CYP2C18: variants seen among roughly 807,000 people sequenced by gnomAD.
CYP2C18 encodes the protein cytochrome P450 2C18.
In CYP2C18, 38 loss-of-function variants were observed where a neutral mutation model predicts 41.3. That is an observed-to-expected ratio of 0.92 (90% confidence interval 0.71 to 1.21). CYP2C18 has a LOEUF of 1.21. CYP2C18 is among the 50% of genes most tolerant of loss of function. The pLI is 0.00. For missense variants in CYP2C18, 635 were observed against 591.4 expected, an observed-to-expected ratio of 1.07 and a Z score of -0.77; for synonymous variants, 236 against 210.0, an observed-to-expected ratio of 1.12 and a Z score of -1.07.
chr10:94,700,945 T>C (rs922255083), intron 4 of CYP2C18, among the ~76,000 whole-genome samples: 1 of 152,066 alleles, frequency 6.6e-6, no homozygotes, highest in African/African-American at 2.4e-5. Flanking sequence ...ATTAGAATGG[T>C]GATCATTAAA....
intron 5 of CYP2C18, among the ~76,000 whole-genome samples, chr10:94,708,486 C>A (rs1379566919): frequency 6.6e-6 from 1 of 152,070 alleles, no homozygotes; most frequent in African/African-American, 2.4e-5. Flanking sequence ...TTTCAGTGAC[C>A]AGTGGCTATG....
chr10:94,733,558 C>T (rs905848261), intron 8 of CYP2C18, 120 bp downstream of exon 8: 1 of 1,530,426 alleles, frequency 6.5e-7, no homozygotes, highest in Non-Finnish European at 8.8e-7. Context: ...TCATTAGCAC[C>T]ATTCCCTATG....
At chr10:94,694,859 G>A in intron 3 of CYP2C18, 58 bp from the exon 4 acceptor site, 4 of 1,552,478 alleles carry the variant, frequency 2.6e-6, no homozygotes, top group Non-Finnish European at 3.5e-6. Context: ...CTGTATCAAA[G>A]ACAAAGTATT....
intron 1 of CYP2C18, among the ~76,000 whole-genome samples, chr10:94,684,873 A>C (rs1462136935): frequency 2.0e-5 from 3 of 152,110 alleles, no homozygotes; most frequent in African/African-American, 7.2e-5. Flanking sequence ...TTTGATAATA[A>C]TAATATCTTA....
chr10:94,708,700 A>G (rs1847384281), intron 5 of CYP2C18, among the ~76,000 whole-genome samples: 1 of 152,204 alleles, frequency 6.6e-6, no homozygotes, highest in Admixed American at 6.5e-5. Context: ...GAACATTTCC[A>G]TCATCCTGAA....
intron 1 of CYP2C18, among the ~76,000 whole-genome samples, chr10:94,687,551 A>C (rs1027585400): frequency 6.6e-6 from 1 of 152,240 alleles, no homozygotes; most frequent in Non-Finnish European, 1.5e-5. Flanking sequence ...GATTAAGTTT[A>C]ATAGCCTGCA....
chr10:94,735,066 G>A (rs184003989), intron 8 of CYP2C18, among the ~76,000 whole-genome samples, 197 bp from the exon 9 acceptor site: 1 of 152,146 alleles, frequency 6.6e-6, no homozygotes, highest in African/African-American at 2.4e-5. Flanking sequence ...AGTGAAGGGT[G>A]CCTAGTAAAA....
rs35672164 is a variant in CYP2C18 at position 94,712,008 on chromosome 10, A to ATTTTTTTT, written c.819+5061_819+5068dup. On this transcript the variant is annotated intron_variant, in intron 5 of 8. Transcript: ENST00000285979. Reference sequence around the variant, plus strand: ...AGGTGCATGCCACCATGCCCAACTAATTTTTTTTTTTTTTTTTTTTGTAGA... The same window carrying ATTTTTTTT: ...AGGTGCATGCCACCATGCCCAACTAATTTTTTTTTTTTTTTTTTTTTTTTTTTTGTAGA... Among the ~76,000 whole-genome samples the ATTTTTTTT allele has an allele frequency of 1.9e-3, 189 of 97,854 alleles. 8 individuals carry two copies. The East Asian group carries it at 0.021, about 11-fold the overall frequency. The allele number at this position is 97,854 out of a possible 152,430, so 64.2% of individuals were successfully genotyped here. A position where few individuals can be genotyped will look rare whatever the true frequency, so the allele number is the denominator to read the frequency against.
intron 7 of CYP2C18, among the ~76,000 whole-genome samples, chr10:94,729,137 A>G (rs1847790102): frequency 6.6e-6 from 1 of 152,126 alleles, no homozygotes; most frequent in South Asian, 2.1e-4. Flanking sequence ...TCCAGTATGA[A>G]GAGAGGGCAA....
intron 4 of CYP2C18, among the ~76,000 whole-genome samples, chr10:94,701,134 A>C (rs1017122285): frequency 6.6e-5 from 10 of 152,206 alleles, no homozygotes; most frequent in African/African-American, 2.4e-4. Context: ...TACCCAAAGG[A>C]TTATAAAACA....
intron 3 of CYP2C18, among the ~76,000 whole-genome samples, chr10:94,692,027 G>C (rs1298556679): frequency 1.3e-5 from 2 of 152,136 alleles, no homozygotes; most frequent in Non-Finnish European, 2.9e-5. Flanking sequence ...ATTAATTCAA[G>C]ATGGATTAAA....
intron 5 of CYP2C18, among the ~76,000 whole-genome samples, chr10:94,715,847 G>A (rs1459658921): frequency 6.6e-6 from 1 of 151,906 alleles, no homozygotes; most frequent in Non-Finnish European, 1.5e-5. Context: ...CTTAATTATT[G>A]CCTGAATTTC....
At chr10:94,731,419 C>G (rs1189919519) in intron 7 of CYP2C18, among the ~76,000 whole-genome samples, 1 of 151,824 alleles carries the variant, frequency 6.6e-6, no homozygotes, top group Admixed American at 6.6e-5. Flanking sequence ...CCATACTGCC[C>G]AAAGCAATCT....
chr10:94,704,965 G>A (rs1263226837), intron 4 of CYP2C18, among the ~76,000 whole-genome samples: 2 of 152,130 alleles, frequency 1.3e-5, no homozygotes, highest in African/African-American at 4.8e-5. Context: ...ACTGCCTCGT[G>A]TTAGCCCGTG....
intron 5 of CYP2C18, among the ~76,000 whole-genome samples, chr10:94,708,392 T>C (rs2134192150): frequency 6.6e-6 from 1 of 152,316 alleles, no homozygotes; most frequent in Non-Finnish European, 1.5e-5. Context: ...TTCTCCATTT[T>C]TGTACACATT....
At chr10:94,703,872 C>G (rs764626613) in intron 4 of CYP2C18, among the ~76,000 whole-genome samples, 4 of 152,182 alleles carry the variant, frequency 2.6e-5, no homozygotes, top group Non-Finnish European at 4.4e-5. Context: ...GTGTAGGCAT[C>G]TGAAGGAATC....
Position 94,720,461 on chromosome 10 carries a change from TG to T in CYP2C18, c.889del (p.Ala297LeufsTer10). 1 of 1,613,250 alleles carries T rather than the reference TG, an allele frequency of 6.2e-7. No individual in the cohort carries two copies. The highest frequency in any genetic ancestry group is 8.5e-7 in the Non-Finnish European group (1 of 1,179,430). On this transcript the variant is annotated frameshift_variant, in exon 6 of 9. Transcript: ENST00000285979. LOFTEE classifies it high-confidence loss of function. ...SLIATVTDMF[G>X]AGTETTSTTL... The stretch of plus-strand genomic sequence containing the variant: ...TGATAGCCACTGTAACTGATATGTT[TG>T]GGGCTGGAACAGAGACAACGAGCAC...
At chr10:94,724,236 A>C in intron 6 of CYP2C18, 110 bp from the exon 7 acceptor site, 1 of 1,071,190 alleles carries the variant, frequency 9.3e-7, no homozygotes, top group East Asian at 2.4e-5. Flanking sequence ...CAGTCCTATA[A>C]GTTTATAATG....
At chr10:94,719,012 T>C (rs1334861934) in intron 5 of CYP2C18, among the ~76,000 whole-genome samples, 1 of 152,118 alleles carries the variant, frequency 6.6e-6, no homozygotes, top group Non-Finnish European at 1.5e-5. Context: ...TGTTGCTCAG[T>C]ACATAGAAGT....
Sources: allele counts gnomAD v4.1 joint callset (sites outside exome capture counted in the v4.1 genomes callset), GRCh38; gene constraint gnomAD v4.1.1; transcripts MANE v1.5; gene names NCBI Gene and HGNC (gene_info 2026-07-23, HGNC 2026-07-21).